Variants in CXCL13 observed in about 807,000 individuals in gnomAD.
CXCL13 encodes C-X-C motif chemokine 13.
Under a neutral mutation model 12.2 loss-of-function variants are expected in CXCL13, and 7 were observed. The ratio of observed to expected loss-of-function variants is 0.57; its 90% confidence interval spans 0.33 to 1.07. The LOEUF is 1.07. CXCL13 is among the 50% of genes least tolerant of loss of function. The pLI is 0.04. For missense variants in CXCL13, 113 were observed against 127.4 expected, an observed-to-expected ratio of 0.89 and a Z score of 0.55; for synonymous variants, 47 against 42.4, an observed-to-expected ratio of 1.11 and a Z score of -0.42.
chr4:77,543,933 T>A (rs542005901), intron 1 of CXCL13, among the ~76,000 whole-genome samples: 9 of 152,236 alleles, frequency 5.9e-5, no homozygotes, highest in African/African-American at 2.2e-4. Flanking sequence ...GTGTGTGATG[T>A]TCCCCACCCT....
intron 1 of CXCL13, among the ~76,000 whole-genome samples, chr4:77,549,101 G>T (rs1382032456): frequency 2.0e-5 from 3 of 152,002 alleles, no homozygotes; most frequent in African/African-American, 7.3e-5. Context: ...TTCAATCACT[G>T]ATATCCTTTC....
intron 1 of CXCL13, among the ~76,000 whole-genome samples, chr4:77,522,781 A>G (rs1232373886): frequency 2.6e-5 from 4 of 151,742 alleles, no homozygotes; most frequent in African/African-American, 9.7e-5. Flanking sequence ...TTGCCCGTTT[A>G]TTGATACAAT....
chr4:77,565,416 G>A lies in CXCL13; in HGVS notation c.-42-40408G>A, dbSNP rs1725904834. ...GTATTTGGTGTTTGTAGAATCTTGG[G>A]CAGAAAGTATTTGAATCTTCTCTAT... is the stretch of plus-strand genomic sequence containing the variant. On this transcript the variant is annotated intron_variant, in intron 1 of 4. Transcript: ENST00000286758. 3.9e-5 allele frequency among the ~76,000 whole-genome samples: 6 copies of A among 152,148 alleles called. No individual in the cohort carries two copies. The South Asian group carries it at 1.0e-3, about 26-fold the overall frequency.
chr4:77,524,479 G>A (rs185331383), intron 1 of CXCL13, among the ~76,000 whole-genome samples: 43 of 152,268 alleles, frequency 2.8e-4, no homozygotes, highest in East Asian at 1.7e-3. Context: ...CTCACAGTTC[G>A]ATCTCAGGCT....
intron 1 of CXCL13, among the ~76,000 whole-genome samples, chr4:77,561,066 T>C (rs1725799154): frequency 6.6e-6 from 1 of 152,250 alleles, no homozygotes; most frequent in African/African-American, 2.4e-5. Flanking sequence ...ATGGTTATAA[T>C]TAAACTTTTT....
intron 1 of CXCL13, among the ~76,000 whole-genome samples, chr4:77,531,882 G>A (rs1172305361): frequency 6.6e-6 from 1 of 151,874 alleles, no homozygotes; most frequent in Non-Finnish European, 1.5e-5. Flanking sequence ...TGCCTTTTTT[G>A]TTTTCCATTT....
At chr4:77,600,120 A>G (rs1340079739) in intron 1 of CXCL13, among the ~76,000 whole-genome samples, 2 of 151,994 alleles carry the variant, frequency 1.3e-5, no homozygotes, top group African/African-American at 4.8e-5. Context: ...TTTGGGGATA[A>G]TATGATTAGT....
At chr4:77,582,349 G>T (rs984970920) in intron 1 of CXCL13, among the ~76,000 whole-genome samples, 5 of 152,314 alleles carry the variant, frequency 3.3e-5, no homozygotes, top group Non-Finnish European at 5.9e-5. Flanking sequence ...GAGACAGTAT[G>T]ATTCTTAAGA....
At chr4:77,544,509 A>AT (rs1276958354) in intron 1 of CXCL13, among the ~76,000 whole-genome samples, 4 of 152,034 alleles carry the variant, frequency 2.6e-5, no homozygotes, top group Non-Finnish European at 4.4e-5. Context: ...GATGATGAGC[A>AT]TTTTTTCTGT....
intron 1 of CXCL13, among the ~76,000 whole-genome samples, chr4:77,526,679 T>C (rs1248144134): frequency 6.6e-6 from 1 of 152,004 alleles, no homozygotes; most frequent in Admixed American, 6.6e-5. Flanking sequence ...TTCCACACTA[T>C]GGTGTAAGCA....
At chr4:77,567,064 T>C (rs572891311) in intron 1 of CXCL13, among the ~76,000 whole-genome samples, 1 of 152,198 alleles carries the variant, frequency 6.6e-6, no homozygotes, top group African/African-American at 2.4e-5. Flanking sequence ...ATCAATTGAC[T>C]TTGTGACAAT....
intron 1 of CXCL13, among the ~76,000 whole-genome samples, chr4:77,596,798 A>G (rs1726774328): frequency 6.6e-6 from 1 of 151,680 alleles, no homozygotes; most frequent in Non-Finnish European, 1.5e-5. Context: ...AAAAAAAAAA[A>G]AAAAAGAAAA....
At chr4:77,600,371 C>T (rs171388) in intron 1 of CXCL13, among the ~76,000 whole-genome samples, 41,291 of 151,948 alleles carry the variant, frequency 0.27, 8,002 homozygotes, top group African/African-American at 0.54. Context: ...TAGCTGATAT[C>T]AAGGGAACAA....
At chr4:77,599,232 T>C (rs954419278) in intron 1 of CXCL13, among the ~76,000 whole-genome samples, 1 of 152,190 alleles carries the variant, frequency 6.6e-6, no homozygotes, top group African/African-American at 2.4e-5. Context: ...TGAGGATTGG[T>C]TGCAAGACTC....
intron 1 of CXCL13, among the ~76,000 whole-genome samples, chr4:77,585,702 G>C (rs1287863608): frequency 6.6e-6 from 1 of 152,196 alleles, no homozygotes; most frequent in Admixed American, 6.5e-5. Flanking sequence ...GTCTCTTGAA[G>C]AATATTTTCT....
Position 77,545,055 on chromosome 4 carries a change from G to A in CXCL13, c.-43+33267G>A, listed in dbSNP as rs1273034761. 2.0e-5 allele frequency among the ~76,000 whole-genome samples: 3 copies of A among 152,126 alleles called. No individual in the cohort carries two copies. In the East Asian group the frequency reaches 5.8e-4, roughly 29 times the overall value. On this transcript the variant is annotated intron_variant, in intron 1 of 4. Coordinates refer to the CXCL13 transcript ENST00000286758. ...CAGATTTGTCAAAGATCTGATGGTTGTAGATGTGTGGTATTACTTCTGAGG... is the reference window on the plus strand; with the variant it reads ...CAGATTTGTCAAAGATCTGATGGTTATAGATGTGTGGTATTACTTCTGAGG...
chr4:77,591,188 T>C (rs1401677834), intron 1 of CXCL13, among the ~76,000 whole-genome samples: 1 of 152,208 alleles, frequency 6.6e-6, no homozygotes, highest in African/African-American at 2.4e-5. Flanking sequence ...ATTGTTATAC[T>C]ATTATTATTT....
chr4:77,527,625 C>A lies in CXCL13; in HGVS notation c.-43+15837C>A, dbSNP rs60956572. Among the ~76,000 whole-genome samples, 442 of 151,392 alleles carry A rather than the reference C, an allele frequency of 2.9e-3. 2 individuals are homozygous for A. The highest frequency in any genetic ancestry group is 0.01 in the African/African-American group (419 of 41,232). The stretch of plus-strand genomic sequence containing the variant: ...CTAGCCTGGGTGACAGAGTGAGACA[C>A]AGTCTCAGATAAAAAAAAAAGAAAG... On this transcript the variant is annotated intron_variant, in intron 1 of 4. Coordinates refer to the CXCL13 transcript ENST00000286758.
chr4:77,611,017 T>G lies in CXCL13; in HGVS notation c.308T>G (p.Val103Gly), dbSNP rs1727136826. Residue 103 changes from valine (V) to glycine (G), a missense_variant, in exon 4 of 4, where the codon GTG (valine) becomes GGG (glycine). By Grantham distance (109) the Val-to-Gly change is moderately radical. Transcript: ENST00000682537. ...AGTTCTTCAACTCTACCAGTTCCAG[T>G]GTTTAAGAGAAAGATTCCCTGATGC... is the stretch of plus-strand genomic sequence containing the variant. ...KRSSSTLPVP[V>G]FKRKIP is the part of the protein sequence containing the mutation. The G allele has an allele frequency of 1.2e-6, 2 of 1,611,528 alleles. No homozygotes were observed. The highest frequency in any genetic ancestry group is 1.3e-5 in the African/African-American group (1 of 75,048).
Sources: allele counts gnomAD v4.1 joint callset (sites outside exome capture counted in the v4.1 genomes callset), GRCh38; gene constraint gnomAD v4.1.1; transcripts MANE v1.5; gene names NCBI Gene and HGNC (gene_info 2026-07-23, HGNC 2026-07-21).